Variants in DNAJB14 observed in about 807,000 individuals in gnomAD.
The protein encoded by DNAJB14 is DnaJ heat shock protein family (Hsp40) member B14.
In DNAJB14, 22 loss-of-function variants were observed where a neutral mutation model predicts 48.4. The ratio of observed to expected loss-of-function variants is 0.45; its 90% confidence interval spans 0.32 to 0.65. The LOEUF (loss-of-function observed/expected upper bound fraction) is 0.65, where lower values mean the gene tolerates loss of function less well. Ranked by LOEUF, DNAJB14 falls within the 30% of genes least tolerant of loss-of-function variation. The pLI, the probability that DNAJB14 is intolerant of heterozygous loss-of-function variation, is 0.03. For synonymous variants in DNAJB14, 142 were observed against 158.7 expected (o/e 0.89, Z 0.79); for missense variants, 319 against 458.8 (o/e 0.70, Z 2.78).
intron 3 of DNAJB14, among the ~76,000 whole-genome samples, chr4:99,919,533 G>A (rs1725977397): frequency 6.6e-6 from 1 of 152,076 alleles, no homozygotes; most frequent in African/African-American, 2.4e-5. Context: ...GCGGTGAGCT[G>A]AGACTGCGCC....
In DNAJB14 at chr4:99,898,709, G is replaced by A. The variant is rs1725202796; in HGVS notation, c.*2319C>T. The A allele has an allele frequency of 6.6e-6, 1 of 151,810 alleles. No individual in the cohort carries two copies. The highest frequency in any genetic ancestry group is 1.5e-5 in the Non-Finnish European group (1 of 67,790). 9.4% of individuals were successfully genotyped at this position (151,810 alleles called of 1,614,324 possible). ...ATTCAAAGATTGAGGACTTTTAGGTGGTCATTAGAATGAGCCGATGAAATT... is the reference window on the plus strand; with the variant it reads ...ATTCAAAGATTGAGGACTTTTAGGTAGTCATTAGAATGAGCCGATGAAATT... On this transcript the variant is annotated 3_prime_UTR_variant, in exon 8 of 8. Coordinates refer to ENST00000442697, the MANE Select transcript of DNAJB14 (RefSeq NM_001031723.4).
chr4:99,935,906 A>G (rs949356098), intron 1 of DNAJB14, among the ~76,000 whole-genome samples: 1 of 152,106 alleles, frequency 6.6e-6, no homozygotes, highest in South Asian at 2.1e-4. Context: ...CGTCTCTACT[A>G]AAAATACAAA....
chr4:99,946,390 G>T, intron 1 of DNAJB14, 49 bp downstream of exon 1: 1 of 1,568,730 alleles, frequency 6.4e-7, no homozygotes, highest in Admixed American at 1.9e-5. Flanking sequence ...GGCGGGCTAC[G>T]CGGTGGTCTG....
chr4:99,925,781 A>ATCCC (rs1726228535), intron 2 of DNAJB14: 1 of 152,190 alleles, frequency 6.6e-6, no homozygotes, highest in South Asian at 2.1e-4. Flanking sequence ...CTGGAGAAAA[A>ATCCC]TAAAGAAGCT....
chr4:99,905,280 T>C (rs554621213), intron 6 of DNAJB14, among the ~76,000 whole-genome samples: 36 of 152,230 alleles, frequency 2.4e-4, no homozygotes, highest in Non-Finnish European at 4.4e-4. Flanking sequence ...CATTGCTCTG[T>C]CTTTAGTTTT....
intron 2 of DNAJB14, chr4:99,925,062 G>T: frequency 2.2e-6 from 1 of 448,268 alleles, no homozygotes; most frequent in South Asian, 3.4e-5. Context: ...GTATCCACAG[G>T]GGATTAGTTC....
In DNAJB14 at chr4:99,903,862, G is replaced by A. The variant is rs763886190; in HGVS notation, c.879C>T (p.Asn293=). 6.2e-7 allele frequency: 1 copy of A among 1,612,132 alleles called. No homozygotes were observed. Among genetic ancestry groups the A allele is most frequent in the East Asian group, 2.2e-5 (1 of 44,746 alleles). ...TGTTGACATAATAAACAACACCCAA[G>A]TTTTCTGTTTGCATTTTAATAGTTT... ...TGQTIKMQTE[N]LGVVYYVNKD... The change falls in exon 7 of 8, where the codon AAC becomes AAT. Residue 293 remains asparagine (N), a synonymous_variant. Coordinates refer to ENST00000442697, the MANE Select transcript of DNAJB14 (RefSeq NM_001031723.4).
chr4:99,921,635 T>G (rs1169528007), intron 3 of DNAJB14, among the ~76,000 whole-genome samples: 1 of 152,234 alleles, frequency 6.6e-6, no homozygotes, highest in Non-Finnish European at 1.5e-5. Context: ...TCAAAAAATT[T>G]TAAATTAAAT....
At chr4:99,943,956 A>T (rs1726975444) in intron 1 of DNAJB14, among the ~76,000 whole-genome samples, 1 of 152,210 alleles carries the variant, frequency 6.6e-6, no homozygotes, top group Non-Finnish European at 1.5e-5. Flanking sequence ...AAGGCAACAT[A>T]TAAATAGGAG....
At chr4:99,931,218 A>G (rs1726456344) in intron 1 of DNAJB14, among the ~76,000 whole-genome samples, 1 of 152,216 alleles carries the variant, frequency 6.6e-6, no homozygotes, top group Admixed American at 6.5e-5. Context: ...GGAAAAAGGA[A>G]TGGTAAGCAA....
At position 99,900,002 on chromosome 4, in the gene DNAJB14, ATACTG is replaced by A; in HGVS notation, c.*1021_*1025del. On this transcript the variant is annotated 3_prime_UTR_variant, in exon 8 of 8. Coordinates refer to ENST00000442697, the MANE Select transcript of DNAJB14 (RefSeq NM_001031723.4). The stretch of plus-strand genomic sequence containing the variant: ...CAGATCATGCTCTGATCAGATAAGT[ATACTG>A]TAATCTACTTATATGTTTAGGAGTT... 1 of 152,576 alleles carries A rather than the reference ATACTG, an allele frequency of 6.6e-6. No individual in the cohort carries two copies. Among genetic ancestry groups the A allele is most frequent in the African/African-American group, 2.4e-5 (1 of 41,570 alleles). 9.5% of individuals were successfully genotyped at this position (152,576 alleles called of 1,614,324 possible).
intron 1 of DNAJB14, among the ~76,000 whole-genome samples, chr4:99,945,830 T>A (rs1007225766): frequency 6.6e-6 from 1 of 152,228 alleles, no homozygotes; most frequent in Non-Finnish European, 1.5e-5. Context: ...TCGATAATCA[T>A]GGTGTTATCA....
chr4:99,900,031 T>C lies in DNAJB14; in HGVS notation c.*997A>G, dbSNP rs1578209170. 1 of 152,320 alleles carries C rather than the reference T, an allele frequency of 6.6e-6. No homozygotes were observed. Among genetic ancestry groups the C allele is most frequent in the Non-Finnish European group, 1.5e-5 (1 of 67,844 alleles). The allele number at this position is 152,320 out of a possible 1,614,324, so 9.4% of individuals were successfully genotyped here. ...TGTAATCTACTTATATGTTTAGGAG[T>C]TGGCATAGGGTTAAAAGGCACAAAG... On this transcript the variant is annotated 3_prime_UTR_variant, in exon 8 of 8. Transcript: ENST00000442697.
intron 3 of DNAJB14, among the ~76,000 whole-genome samples, chr4:99,920,209 T>C (rs1726005410): frequency 6.6e-6 from 1 of 152,254 alleles, no homozygotes; most frequent in Admixed American, 6.5e-5. Flanking sequence ...GCAAAAGTTC[T>C]GTGTAAGGTT....
intron 1 of DNAJB14, among the ~76,000 whole-genome samples, chr4:99,939,361 C>CA (rs1468854285): frequency 6.6e-6 from 1 of 152,028 alleles, no homozygotes; most frequent in Non-Finnish European, 1.5e-5. Context: ...GACTCCATCT[C>CA]AAAAAATTTT....
chr4:99,935,104 A>C (rs1185923209), intron 1 of DNAJB14, among the ~76,000 whole-genome samples: 1 of 152,098 alleles, frequency 6.6e-6, no homozygotes, highest in Admixed American at 6.5e-5. Context: ...AAATAGAACA[A>C]ATAAACTTTT....
At chr4:99,941,968 A>C (rs1726904720) in intron 1 of DNAJB14, 1 of 152,162 alleles carries the variant, frequency 6.6e-6, no homozygotes, top group Non-Finnish European at 1.5e-5. Context: ...TAAGTCAGAA[A>C]CACAAAAGAC....
Position 99,897,926 on chromosome 4 carries a change from A to G in DNAJB14, c.*3102T>C, listed in dbSNP as rs778467112. 2 of 152,002 alleles carry G rather than the reference A, an allele frequency of 1.3e-5. No homozygotes were observed. The highest frequency in any genetic ancestry group is 2.9e-5 in the Non-Finnish European group (2 of 67,868). The allele number at this position is 152,002 out of a possible 1,614,324, so 9.4% of individuals were successfully genotyped here. A position where few individuals can be genotyped will look rare whatever the true frequency, so the allele number is the denominator to read the frequency against. ...GGCAAGATGGCTCACTTGGTCCTCAAGCCAACATCAAGAAATATTTAGCTG... is the reference window on the plus strand; with the variant it reads ...GGCAAGATGGCTCACTTGGTCCTCAGGCCAACATCAAGAAATATTTAGCTG... On this transcript the variant is annotated 3_prime_UTR_variant, in exon 8 of 8. Coordinates refer to ENST00000442697, the MANE Select transcript of DNAJB14 (RefSeq NM_001031723.4).
Position 99,930,585 on chromosome 4 carries a change from G to A in DNAJB14, c.170C>T (p.Ala57Val). ...TTTTCGGCAATGAGGGCTATTTCCA[G>A]CCGTGCTTCCATTTTTCATAATTAT... ...LEIIMKNGST[A>V]GNSPHCRKPS... Residue 57 changes from alanine (A) to valine (V), a missense_variant, in exon 2 of 8, where the codon GCT (alanine) becomes GTT (valine). Physicochemically the swap from Ala to Val is moderately conservative, Grantham distance 64. Around this residue, in one of 3 missense-constraint regions of DNAJB14, gnomAD observed 116 missense variants for 134.6 expected, o/e 0.86. Transcript: ENST00000442697. 6.2e-7 allele frequency: 1 copy of A among 1,611,290 alleles called. No homozygotes were observed. Among genetic ancestry groups the A allele is most frequent in the African/African-American group, 1.3e-5 (1 of 74,936 alleles).
Sources: allele counts gnomAD v4.1 joint callset (sites outside exome capture counted in the v4.1 genomes callset), GRCh38; gene constraint gnomAD v4.1.1; regional missense constraint gnomAD v4.1.1; transcripts MANE v1.5; gene names NCBI Gene and HGNC (gene_info 2026-07-23, HGNC 2026-07-21).